Variants in GAP43 observed in about 807,000 individuals in gnomAD.
GAP43 encodes the protein neuromodulin.
GAP43 carries 6 observed loss-of-function variants against 18.6 expected under a neutral mutation model. The ratio of observed to expected loss-of-function variants is 0.32; its 90% CI spans 0.18 to 0.64. The LOEUF (loss-of-function observed/expected upper bound fraction) is 0.64. Among genes scored for constraint, GAP43 ranks in the 30% least tolerant of loss-of-function variants. GAP43 has a pLI of 0.78. For synonymous variants in GAP43, 115 were observed against 111.4 expected (o/e 1.03, Z -0.20); for missense variants, 292 against 295.5 (o/e 0.99, Z 0.09).
At chr3:115,693,788 TG>T (rs1709146381) in intron 2 of GAP43, among the ~76,000 whole-genome samples, 1 of 25,144 alleles carries the variant, frequency 4.0e-5, no homozygotes, top group Non-Finnish European at 7.5e-5. Flanking sequence ...TGATGGGGGC[TG>T]GGGCGGGGCG....
chr3:115,680,384 A>T (rs1708946551), intron 2 of GAP43, among the ~76,000 whole-genome samples: 1 of 152,124 alleles, frequency 6.6e-6, no homozygotes, highest in Non-Finnish European at 1.5e-5. Context: ...TGAGCCCGGG[A>T]GGTCAAGGCT....
chr3:115,663,745 CAG>C (rs1304707844), intron 1 of GAP43: 1 of 1,550,600 alleles, frequency 6.4e-7, no homozygotes, highest in South Asian at 1.2e-5. Context: ...GTCTTTTAGA[CAG>C]TGAACTAGGC....
intron 2 of GAP43, among the ~76,000 whole-genome samples, chr3:115,682,479 C>G (rs1464608719): frequency 6.6e-6 from 1 of 152,132 alleles, no homozygotes; most frequent in African/African-American, 2.4e-5. Context: ...TCCAAAGGAT[C>G]TGGTACCTTT....
chr3:115,720,894 T>C lies in GAP43; in HGVS notation c.*12T>C. ...AAGAACATGCCTGAACTCTAAGAAATGGCTTTCCACATCCCCACCCTCCCC... is the reference window on the plus strand; with the variant it reads ...AAGAACATGCCTGAACTCTAAGAAACGGCTTTCCACATCCCCACCCTCCCC... On this transcript the variant is annotated 3_prime_UTR_variant, in exon 3 of 3. Coordinates refer to ENST00000305124, the MANE Select transcript of GAP43 (RefSeq NM_002045.4). 4.4e-6 allele frequency: 7 copies of C among 1,598,986 alleles called. No homozygotes were observed. The highest frequency in any genetic ancestry group is 6.0e-6 in the Non-Finnish European group (7 of 1,167,324).
At chr3:115,690,232 C>T (rs1275813424) in intron 2 of GAP43, among the ~76,000 whole-genome samples, 1 of 149,536 alleles carries the variant, frequency 6.7e-6, no homozygotes, top group Non-Finnish European at 1.5e-5. Context: ...CCGCCACCCC[C>T]TGCCCACCAT....
chr3:115,677,353 A>G (rs1242370549), intron 2 of GAP43, among the ~76,000 whole-genome samples: 1 of 152,238 alleles, frequency 6.6e-6, no homozygotes, highest in African/African-American at 2.4e-5. Flanking sequence ...TACAATATGC[A>G]TAAATAATTG....
intron 1 of GAP43, among the ~76,000 whole-genome samples, chr3:115,669,969 T>TA (rs1418474735): frequency 1.3e-4 from 19 of 142,548 alleles, no homozygotes; most frequent in Middle Eastern, 3.8e-3. Context: ...CTTTTTATTT[T>TA]TATTTTTTTT....
At position 115,633,035 on chromosome 3, in the gene GAP43, G is replaced by A. The variant is rs539879983; in HGVS notation, c.30+9316G>A. Among the ~76,000 whole-genome samples, 3 of 151,706 alleles carry A rather than the reference G, an allele frequency of 2.0e-5. No individual in the cohort carries two copies. The East Asian group carries it at 5.8e-4, about 29-fold the overall frequency. ...ATTTATTGGAAAAAGAAAAAAAGCA[G>A]CGATCATATGAAATTAGTAAGTTGA... On this transcript the variant is annotated intron_variant, in intron 1 of 2. Coordinates refer to ENST00000305124, the MANE Select transcript of GAP43 (RefSeq NM_002045.4).
intron 1 of GAP43, among the ~76,000 whole-genome samples, chr3:115,636,864 G>C (rs748796701): frequency 6.6e-6 from 1 of 151,964 alleles, no homozygotes; most frequent in African/African-American, 2.4e-5. Flanking sequence ...TACGTAAAAC[G>C]AAAGTATTGA....
chr3:115,696,585 C>CA (rs1553724431), intron 2 of GAP43, among the ~76,000 whole-genome samples: 5 of 126,210 alleles, frequency 4.0e-5, no homozygotes, highest in Non-Finnish European at 8.3e-5. Flanking sequence ...ACCGCCCCCC[C>CA]CCCCCACAAA....
chr3:115,686,244 C>T (rs1430885273), intron 2 of GAP43, among the ~76,000 whole-genome samples: 1 of 152,114 alleles, frequency 6.6e-6, no homozygotes, highest in Non-Finnish European at 1.5e-5. Flanking sequence ...TTATCAACTT[C>T]CAAATAATGT....
chr3:115,720,692 A>G, intron 2 of GAP43, 102 bp from the exon 3 acceptor site: 3 of 687,296 alleles, frequency 4.4e-6, no homozygotes, highest in South Asian at 1.8e-5. Flanking sequence ...CTCTTATGAA[A>G]TGACATAAAA....
intron 2 of GAP43, among the ~76,000 whole-genome samples, chr3:115,690,805 G>A (rs1167519483): frequency 2.1e-5 from 3 of 145,000 alleles, no homozygotes; most frequent in Non-Finnish European, 3.0e-5. Flanking sequence ...GCCCAGGCTG[G>A]AGTGCAGTGG....
At chr3:115,632,604 G>A (rs1014345387) in intron 1 of GAP43, among the ~76,000 whole-genome samples, 12 of 152,074 alleles carry the variant, frequency 7.9e-5, no homozygotes, top group Admixed American at 7.2e-4. Flanking sequence ...AAGAAACTGA[G>A]TTTTTAAACA....
intron 2 of GAP43, among the ~76,000 whole-genome samples, chr3:115,691,054 CCCCTCTGGG>C (rs1709105706): frequency 6.6e-6 from 1 of 151,458 alleles, no homozygotes; most frequent in Admixed American, 6.6e-5. Flanking sequence ...TGCGCCTGGC[CCCCTCTGGG>C]CAAATCTTAA....
At chr3:115,695,731 C>G (rs567246308) in intron 2 of GAP43, among the ~76,000 whole-genome samples, 113 of 152,152 alleles carry the variant, frequency 7.4e-4, no homozygotes, top group African/African-American at 2.7e-3. Flanking sequence ...TACCTCCTAC[C>G]CACTCCCCAA....
chr3:115,630,467 G>A (rs754836301), intron 1 of GAP43, among the ~76,000 whole-genome samples: 21 of 152,156 alleles, frequency 1.4e-4, no homozygotes, highest in Non-Finnish European at 2.8e-4. Flanking sequence ...AGGGACTTGG[G>A]TTCTGAAGTA....
intron 1 of GAP43, among the ~76,000 whole-genome samples, chr3:115,664,262 ATG>A (rs1708703837): frequency 7.5e-6 from 1 of 133,138 alleles, no homozygotes; most frequent in Non-Finnish European, 1.7e-5. Context: ...GCTTTTTTAT[ATG>A]TGTTAGTGGG....
intron 1 of GAP43, among the ~76,000 whole-genome samples, chr3:115,652,389 A>ATTTTTTTTTTT (rs1708531283): frequency 2.0e-4 from 5 of 25,618 alleles, no homozygotes; most frequent in African/African-American, 4.6e-4. Flanking sequence ...TTTTTTTGTG[A>ATTTTTTTTTTT]TAGAGTCTTG....
Sources: gnomAD v4.1 joint callset for allele counts (sites outside exome capture counted in the v4.1 genomes callset) on GRCh38, gnomAD v4.1.1 for gene constraint, MANE v1.5 for transcripts, NCBI Gene and HGNC (gene_info 2026-07-23, HGNC 2026-07-21) for gene names.